Variants in PPP2R5D observed in about 807,000 individuals in gnomAD.
PPP2R5D encodes protein phosphatase 2 regulatory subunit B'delta, also known as serine/threonine-protein phosphatase 2A 56 kDa regulatory subunit delta isoform.
PPP2R5D carries 12 observed loss-of-function variants against 79.1 expected under a neutral mutation model. The observed-to-expected ratio is 0.15, with a 90% CI of 0.10 to 0.25. The LOEUF (loss-of-function observed/expected upper bound fraction) is 0.25, where lower values mean the gene tolerates loss of function less well. Among genes scored for constraint, PPP2R5D ranks in the 10% least tolerant of loss-of-function variants. The probability of loss-of-function intolerance (pLI) is 1.00; values close to 1 mark genes in which losing one functional copy is unlikely to be tolerated. For synonymous variants in PPP2R5D, 277 were observed against 286.6 expected (o/e 0.97, Z 0.34); for missense variants, 419 against 760.2 (o/e 0.55, Z 5.28).
Position 42,997,095 on chromosome 6 carries a change from A to G in PPP2R5D, c.105+7407A>G, listed in dbSNP as rs1771751747. Among the ~76,000 whole-genome samples the G allele has an allele frequency of 2.0e-5, 3 of 152,042 alleles. No homozygotes were observed. The South Asian group carries it at 6.2e-4, about 32-fold the overall frequency. On this transcript the variant is annotated intron_variant, in intron 2 of 15. Transcript: ENST00000485511. ...ACTGCAACCTCTGCCTCCCGGGTTC[A>G]AGTGATTTTTGTGTCTCAGCCTCCT...
intron 1 of PPP2R5D, 82 bp downstream of exon 1, chr6:42,984,786 G>A: frequency 6.3e-7 from 1 of 1,586,678 alleles, no homozygotes; most frequent in South Asian, 1.1e-5. Context: ...GCCCGGGACA[G>A]CCCCAGACTG....
chr6:42,993,873 G>A (rs973056258), intron 2 of PPP2R5D, among the ~76,000 whole-genome samples: 2 of 152,202 alleles, frequency 1.3e-5, no homozygotes, highest in Non-Finnish European at 2.9e-5. Flanking sequence ...AGGGGAGGGG[G>A]TAGGGGACTG....
At position 43,007,859 on chromosome 6, in the gene PPP2R5D, G is replaced by GGGAC. The variant is rs1438823437; in HGVS notation, c.727-75_727-72dup. On this transcript the variant is annotated intron_variant, in intron 6 of 15. Transcript: ENST00000485511. The surrounding 1 kb of genome is among the most constrained non-coding windows in gnomAD (Gnocchi z 4.5). ...AGGGGACCTCTGCATTTCCCCTGGC[G>GGGAC]GGACCTATGTCACCCTGGCCACTGC... The GGGAC allele has an allele frequency of 5.1e-6, 8 of 1,578,454 alleles. No homozygotes were observed. In the Admixed American group the frequency reaches 1.2e-4, roughly 23 times the overall value.
At chr6:43,002,371 G>A (rs1761790523) in intron 2 of PPP2R5D, among the ~76,000 whole-genome samples, 1 of 152,038 alleles carries the variant, frequency 6.6e-6, no homozygotes, top group Admixed American at 6.6e-5. Flanking sequence ...CACCATGTTG[G>A]CCAGGCTGCT....
chr6:42,997,002 TG>T (rs1771745367), intron 2 of PPP2R5D, among the ~76,000 whole-genome samples: 2 of 152,026 alleles, frequency 1.3e-5, no homozygotes, highest in African/African-American at 2.4e-5. Flanking sequence ...GTTATCTCTT[TG>T]TTTTTTTATG....
intron 1 of PPP2R5D, among the ~76,000 whole-genome samples, chr6:42,984,908 G>A (rs1044277050): frequency 3.5e-4 from 51 of 147,580 alleles, no homozygotes; most frequent in African/African-American, 1.3e-3. Flanking sequence ...TTGCCCCGGA[G>A]AGACTCCCCC....
At chr6:43,004,906 C>A (rs1468823078) in intron 2 of PPP2R5D, among the ~76,000 whole-genome samples, 2 of 151,758 alleles carry the variant, frequency 1.3e-5, no homozygotes, top group Non-Finnish European at 2.9e-5. Flanking sequence ...CCCGCCACCA[C>A]ACCCGGCTAA....
rs556736660 is a variant in PPP2R5D, at chr6:43,008,851, C to A, written c.1080+105C>A. The stretch of plus-strand genomic sequence containing the variant: ...AAGGGGGAACTCAGGAGGGCTGTGA[C>A]CTGACCGGTAACATGGTTTCCTCTC... On this transcript the variant is annotated intron_variant, in intron 10 of 15. Transcript: ENST00000485511. The surrounding 1 kb of genome is among the most constrained non-coding windows in gnomAD (Gnocchi z 4.2). The A allele has an allele frequency of 2.4e-5, 32 of 1,360,178 alleles. No homozygotes were observed. In the East Asian group the frequency reaches 3.6e-4, roughly 15 times the overall value. The allele number at this position is 1,360,178 out of a possible 1,614,324, so 84.3% of individuals were successfully genotyped here.
intron 2 of PPP2R5D, among the ~76,000 whole-genome samples, chr6:42,997,141 G>T (rs957212332): frequency 2.2e-4 from 33 of 151,210 alleles, no homozygotes; most frequent in African/African-American, 7.0e-4. Context: ...GATTACAGGC[G>T]CCCGCTACCA....
intron 1 of PPP2R5D, 98 bp from the exon 2 acceptor site, chr6:42,989,513 T>C (rs1581798965): frequency 9.8e-7 from 1 of 1,023,916 alleles, no homozygotes; most frequent in East Asian, 2.6e-5. Flanking sequence ...TTGATTCAAC[T>C]GGACAGAGGA....
Position 43,007,251 on chromosome 6 carries a change from A to C in PPP2R5D, c.578A>C (p.Glu193Ala). Residue 193 changes from glutamate (E) to alanine (A), a missense_variant, in exon 5 of 16, where the codon GAG becomes GCG. By Grantham distance (107) the Glu-to-Ala change is moderately radical. Coordinates refer to ENST00000485511, the MANE Select transcript of PPP2R5D (RefSeq NM_006245.4). The surrounding 1 kb of genome is among the most constrained non-coding windows in gnomAD (Gnocchi z 4.5). ...CCTTCATCGAATCCCACAGGGGCTG[A>C]GTTTGACCCAGAGGAAGATGAGCCC... ...LPPSSNPTGA[E>A]FDPEEDEPTL... 6.2e-7 allele frequency: 1 copy of C among 1,614,126 alleles called. No individual in the cohort carries two copies. Among genetic ancestry groups the C allele is most frequent in the Non-Finnish European group, 8.5e-7 (1 of 1,180,024 alleles).
intron 1 of PPP2R5D, among the ~76,000 whole-genome samples, chr6:42,985,937 C>G (rs1228838699): frequency 6.6e-6 from 1 of 152,066 alleles, no homozygotes; most frequent in African/African-American, 2.4e-5. Flanking sequence ...GCCACCACAT[C>G]CGGCTAATTT....
chr6:42,989,291 T>A (rs1228635437), intron 1 of PPP2R5D, among the ~76,000 whole-genome samples: 4 of 152,114 alleles, frequency 2.6e-5, no homozygotes, highest in African/African-American at 9.7e-5. Flanking sequence ...TCTTTAAGCC[T>A]CCTCACCCTG....
At chr6:42,994,816 C>G (rs775353047) in intron 2 of PPP2R5D, among the ~76,000 whole-genome samples, 2 of 140,204 alleles carry the variant, frequency 1.4e-5, no homozygotes, top group Non-Finnish European at 3.0e-5. Context: ...AAAACTCCAT[C>G]TCAAAAAAAA....
At chr6:42,988,118 T>G (rs1770988136) in intron 1 of PPP2R5D, among the ~76,000 whole-genome samples, 5 of 152,044 alleles carry the variant, frequency 3.3e-5, no homozygotes, top group Admixed American at 3.3e-4. Flanking sequence ...CCTCCCCACC[T>G]CCAAGAAGCC....
Position 43,007,855 on chromosome 6 carries a change from T to G in PPP2R5D, c.727-80T>G. ...CTCCAGGGGACCTCTGCATTTCCCC[T>G]GGCGGGACCTATGTCACCCTGGCCA... On this transcript the variant is annotated intron_variant, in intron 6 of 15. Transcript: ENST00000485511. The surrounding 1 kb of genome is among the most constrained non-coding windows in gnomAD (Gnocchi z 4.5). 1.1e-5 allele frequency: 18 copies of G among 1,569,496 alleles called. No homozygotes were observed. The highest frequency in any genetic ancestry group is 1.5e-5 in the Non-Finnish European group (17 of 1,143,816).
intron 2 of PPP2R5D, among the ~76,000 whole-genome samples, chr6:43,000,130 T>G (rs891100156): frequency 4.0e-5 from 6 of 151,422 alleles, no homozygotes; most frequent in African/African-American, 1.5e-4. Context: ...GAGACGGGGT[T>G]TCACCATGTT....
intron 2 of PPP2R5D, among the ~76,000 whole-genome samples, chr6:43,002,937 C>T (rs979993375): frequency 6.6e-6 from 1 of 152,158 alleles, no homozygotes. Flanking sequence ...TCTGCCTAGT[C>T]CTATTCTAGA....
intron 2 of PPP2R5D, among the ~76,000 whole-genome samples, chr6:42,996,273 G>C (rs990299458): frequency 6.0e-5 from 9 of 150,000 alleles, no homozygotes; most frequent in African/African-American, 2.0e-4. Context: ...GACCATCCTG[G>C]CTAACATGGT....
Sources: gnomAD v4.1 joint callset for allele counts (sites outside exome capture counted in the v4.1 genomes callset) on GRCh38, gnomAD v4.1.1 for gene constraint, Gnocchi (gnomAD v3.1) non-coding constraint, MANE v1.5 for transcripts, NCBI Gene and HGNC (gene_info 2026-07-23, HGNC 2026-07-21) for gene names.